Variants in ARL15 observed in about 807,000 individuals in gnomAD.
The protein encoded by ARL15 is ARF like GTPase 15.
In ARL15, 19 loss-of-function variants were observed where a neutral mutation model predicts 25.2. The observed-to-expected ratio is 0.75, with a 90% CI of 0.53 to 1.10. ARL15 has a LOEUF of 1.10. Ranked by LOEUF, ARL15 falls within the 50% of genes least tolerant of loss-of-function variation. The pLI is 0.00. For synonymous variants in ARL15, 94 were observed against 86.8 expected (o/e 1.08, Z -0.46); for missense variants, 220 against 246.0 (o/e 0.89, Z 0.71).
intron 3 of ARL15, among the ~76,000 whole-genome samples, chr5:54,133,308 A>G (rs1336735380): frequency 6.6e-6 from 1 of 152,206 alleles, no homozygotes; most frequent in Admixed American, 6.5e-5. Flanking sequence ...TCTAAACCAT[A>G]TTAAAGAGTC....
intron 3 of ARL15, among the ~76,000 whole-genome samples, chr5:54,153,954 C>A (rs1218693343): frequency 1.3e-5 from 2 of 152,036 alleles, no homozygotes; most frequent in Admixed American, 6.5e-5. Context: ...TTTTCATGCG[C>A]CATTAGAGAA....
intron 4 of ARL15, among the ~76,000 whole-genome samples, chr5:54,080,171 G>C (rs1751750641): frequency 6.6e-6 from 1 of 152,090 alleles, no homozygotes; most frequent in African/African-American, 2.4e-5. Flanking sequence ...TAAAACACAG[G>C]ACATAGGAAT....
At chr5:54,250,065 G>A (rs1437333561) in intron 1 of ARL15, among the ~76,000 whole-genome samples, 1 of 152,176 alleles carries the variant, frequency 6.6e-6, no homozygotes. Flanking sequence ...CATGGCACTG[G>A]CATCTGTTTC....
intron 4 of ARL15, among the ~76,000 whole-genome samples, chr5:54,112,768 G>A (rs951275014): frequency 6.6e-6 from 1 of 152,130 alleles, no homozygotes; most frequent in Non-Finnish European, 1.5e-5. Flanking sequence ...TTACAGAATA[G>A]GATCCATTAA....
chr5:54,028,257 T>C lies in ARL15; in HGVS notation c.462+84945A>G, dbSNP rs372177820. Among the ~76,000 whole-genome samples the C allele has an allele frequency of 6.6e-5, 10 of 152,248 alleles. No individual in the cohort carries two copies. In the East Asian group the frequency reaches 1.5e-3, roughly 23 times the overall value. On this transcript the variant is annotated intron_variant, in intron 4 of 4. Coordinates refer to ENST00000504924, the MANE Select transcript of ARL15 (RefSeq NM_019087.3). The stretch of plus-strand genomic sequence containing the variant: ...GTTTTGGGGTAGCAATGATAACTTA[T>C]ATAAATGATGAATCATTCCAAGTTC...
At chr5:54,112,329 TG>T (rs1389237641) in intron 4 of ARL15, among the ~76,000 whole-genome samples, 4 of 152,156 alleles carry the variant, frequency 2.6e-5, no homozygotes, top group Non-Finnish European at 5.9e-5. Flanking sequence ...GAGGGAGGTC[TG>T]GAGTTAGAAC....
chr5:54,114,091 A>G (rs964757638), intron 3 of ARL15, among the ~76,000 whole-genome samples: 5 of 139,546 alleles, frequency 3.6e-5, no homozygotes, highest in Non-Finnish European at 8.3e-5. Context: ...ACAAACAAAT[A>G]AACAAACAAA....
Position 54,204,374 on chromosome 5 carries a change from G to C in ARL15, c.49-32446C>G, listed in dbSNP as rs547206360. Among the ~76,000 whole-genome samples the C allele has an allele frequency of 2.6e-5, 4 of 152,276 alleles. No homozygotes were observed. In the South Asian group the frequency reaches 8.3e-4, roughly 32 times the overall value. Reference sequence around the variant, plus strand: ...GCACTGCCCATGTTTTCAGAAATTAGGACTTTGACTTTTCCTTCCCTCTGC... The same window carrying C: ...GCACTGCCCATGTTTTCAGAAATTACGACTTTGACTTTTCCTTCCCTCTGC... On this transcript the variant is annotated intron_variant, in intron 1 of 4. Transcript: ENST00000504924.
rs1007720865 is a variant in ARL15 at position 53,899,345 on chromosome 5, C to A, written c.463-12632G>T. ...CCTGGGTAACAGAGTGAGACTCTATCCCAAAAAAAAAAAAAAAAAAAAAAA... is the reference window on the plus strand; with the variant it reads ...CCTGGGTAACAGAGTGAGACTCTATACCAAAAAAAAAAAAAAAAAAAAAAA... On this transcript the variant is annotated intron_variant, in intron 4 of 4. Coordinates refer to ENST00000504924, the MANE Select transcript of ARL15 (RefSeq NM_019087.3). Among the ~76,000 whole-genome samples the A allele has an allele frequency of 1.5e-3, 77 of 51,240 alleles. 1 individual carries two copies. The East Asian group carries it at 0.046, about 31-fold the overall frequency. 33.6% of individuals were successfully genotyped at this position (51,240 alleles called of 152,430 possible).
chr5:53,893,334 C>G (rs1744778830), intron 4 of ARL15, among the ~76,000 whole-genome samples: 1 of 151,426 alleles, frequency 6.6e-6, no homozygotes, highest in Non-Finnish European at 1.5e-5. Context: ...AGGCTGGGCA[C>G]GGTGGCTCAC....
At position 54,194,896 on chromosome 5, in the gene ARL15, A is replaced by T. The variant is rs1476775107; in HGVS notation, c.49-22968T>A. 2.0e-5 allele frequency among the ~76,000 whole-genome samples: 3 copies of T among 152,258 alleles called. No homozygotes were observed. The East Asian group carries it at 5.8e-4, about 29-fold the overall frequency. On this transcript the variant is annotated intron_variant, in intron 1 of 4. Coordinates refer to ENST00000504924, the MANE Select transcript of ARL15 (RefSeq NM_019087.3). Reference sequence around the variant, plus strand: ...TTAGCTTTACCAACTTCCCAAGAGGACTTCTAGTCATGCTCCTTCAAATCC... The same window carrying T: ...TTAGCTTTACCAACTTCCCAAGAGGTCTTCTAGTCATGCTCCTTCAAATCC...
intron 4 of ARL15, among the ~76,000 whole-genome samples, chr5:54,093,179 G>A (rs543228873): frequency 2.6e-5 from 4 of 152,306 alleles, no homozygotes; most frequent in South Asian, 4.1e-4. Flanking sequence ...CACTGAGAAT[G>A]GTGTCTATTG....
At chr5:53,925,997 CTTTTTTTTTT>C (rs70986651) in intron 4 of ARL15, among the ~76,000 whole-genome samples, 2 of 122,796 alleles carry the variant, frequency 1.6e-5, no homozygotes, top group Non-Finnish European at 3.4e-5. Flanking sequence ...TTTTTTCTTT[CTTTTTTTTTT>C]TTTTTTTTTT....
Position 54,147,193 on chromosome 5 carries a change from C to G in ARL15, c.253+7387G>C, listed in dbSNP as rs576337080. Among the ~76,000 whole-genome samples, 7 of 152,142 alleles carry G rather than the reference C, an allele frequency of 4.6e-5. No homozygotes were observed. The South Asian group carries it at 1.5e-3, about 32-fold the overall frequency. ...CAGGAGTTAACTGGCTGTTCTCATT[C>G]CAAAAAGGCCTGGTTCTTTTCCTTG... On this transcript the variant is annotated intron_variant, in intron 3 of 4. Coordinates refer to ENST00000504924, the MANE Select transcript of ARL15 (RefSeq NM_019087.3).
chr5:53,997,676 G>C (rs1281842478), intron 4 of ARL15, among the ~76,000 whole-genome samples: 2 of 152,144 alleles, frequency 1.3e-5, no homozygotes, highest in African/African-American at 2.4e-5. Context: ...GAGGTGAATG[G>C]GGAAGGGGGC....
At chr5:53,999,687 C>T (rs973313930) in intron 4 of ARL15, among the ~76,000 whole-genome samples, 6 of 152,194 alleles carry the variant, frequency 3.9e-5, no homozygotes, top group Admixed American at 6.5e-5. Flanking sequence ...CCAAGGTGGG[C>T]GGATCACCTG....
At chr5:53,955,897 C>T (rs1038664630) in intron 4 of ARL15, among the ~76,000 whole-genome samples, 7 of 152,078 alleles carry the variant, frequency 4.6e-5, no homozygotes, top group Admixed American at 4.6e-4. Flanking sequence ...AAAACACATT[C>T]GAGGTGGAAA....
chr5:54,285,275 T>C (rs1311412254), intron 1 of ARL15: 1 of 678,240 alleles, frequency 1.5e-6, no homozygotes, highest in African/African-American at 2.0e-5. Flanking sequence ...TTAAGAGAGG[T>C]CTATAGAAAA....
chr5:53,964,565 T>A (rs1054943803), intron 4 of ARL15, among the ~76,000 whole-genome samples: 1 of 152,128 alleles, frequency 6.6e-6, no homozygotes, highest in Non-Finnish European at 1.5e-5. Flanking sequence ...CTTCACCGTG[T>A]TAGCCAGGAT....
Sources: gnomAD v4.1 joint callset for allele counts (sites outside exome capture counted in the v4.1 genomes callset) on GRCh38, gnomAD v4.1.1 for gene constraint, MANE v1.5 for transcripts, NCBI Gene and HGNC (gene_info 2026-07-23, HGNC 2026-07-21) for gene names.